GGA2: variants seen among roughly 807,000 people sequenced by gnomAD.
GGA2 encodes golgi associated, gamma adaptin ear containing, ARF binding protein 2.
In GGA2, 48 loss-of-function variants were observed where a neutral mutation model predicts 79.5. The observed-to-expected ratio is 0.60, with a 90% CI of 0.48 to 0.77. The LOEUF (loss-of-function observed/expected upper bound fraction) is 0.77, where lower values mean the gene tolerates loss of function less well. Among genes scored for constraint, GGA2 ranks in the 30% least tolerant of loss-of-function variants. The pLI, the probability that GGA2 is intolerant of heterozygous loss-of-function variation, is 0.00. For synonymous variants in GGA2, 317 were observed against 302.0 expected, an observed-to-expected ratio of 1.05 and a Z score of -0.51; for missense variants, 770 against 774.0, an observed-to-expected ratio of 0.99 and a Z score of 0.06.
At chr16:23,507,656 C>T (rs888157034) in intron 1 of GGA2, among the ~76,000 whole-genome samples, 3 of 150,748 alleles carry the variant, frequency 2.0e-5, no homozygotes, top group Admixed American at 1.3e-4. Flanking sequence ...ACAAATTAGC[C>T]GGTTGTGGTG....
intron 1 of GGA2, among the ~76,000 whole-genome samples, chr16:23,508,649 G>A (rs887148718): frequency 2.0e-5 from 3 of 151,998 alleles, no homozygotes; most frequent in Non-Finnish European, 2.9e-5. Context: ...CAATGCTGGG[G>A]CTCCCCACGC....
upstream of GGA2, among the ~76,000 whole-genome samples, chr16:23,510,906 CGTGTGT>C (rs150030103): frequency 0.019 from 950 of 49,074 alleles, 19 homozygotes; most frequent in African/African-American, 0.043. Context: ...TGGGTTTCAC[CGTGTGT>C]GTGTGTGTGT....
Position 23,473,960 on chromosome 16 carries a change from C to A in GGA2, c.1450+944G>T, listed in dbSNP as rs146193095. Among the ~76,000 whole-genome samples, 28 of 152,320 alleles carry A rather than the reference C, an allele frequency of 1.8e-4. No individual in the cohort carries two copies. In the East Asian group the frequency reaches 3.7e-3, roughly 20 times the overall value. On this transcript the variant is annotated intron_variant, in intron 14 of 16. Coordinates refer to ENST00000309859, the MANE Select transcript of GGA2 (RefSeq NM_015044.4). ...CAGGGCTCTCTGCAATCTAACCTCA[C>A]CACAAAGAGCCATAGGAGGGCTCTG...
rs1596980373 is a variant in GGA2, at chr16:23,479,095, T to G, written c.1130-184A>C. ...AATATGCAAGGGGGACCCTCTGAAC[T>G]GCCCAGAACACCTGATTCCCTTGGC... On this transcript the variant is annotated intron_variant, in intron 11 of 16. Coordinates refer to ENST00000309859, the MANE Select transcript of GGA2 (RefSeq NM_015044.4). The G allele has an allele frequency of 1.9e-5, 12 of 615,470 alleles. No homozygotes were observed. The East Asian group carries it at 3.1e-4, about 16-fold the overall frequency. The allele number at this position is 615,470 out of a possible 1,614,324, so 38.1% of individuals were successfully genotyped here. A position where few individuals can be genotyped will look rare whatever the true frequency, so the allele number is the denominator to read the frequency against.
chr16:23,470,091 G>C lies in GGA2; in HGVS notation c.1525C>G (p.Pro509Ala). ...AGCACCTGTACCTCTGGGTGCCCAG[G>C]GGCTCCCGTCTGGGAGAAGTGGAGC... ...ILLHFSQTGAPGHPEVQVLLL... is the reference protein window; with the variant it reads ...ILLHFSQTGAAGHPEVQVLLL... The change falls in exon 15 of 17, where the codon CCT (proline) becomes GCT (alanine). Residue 509 changes from proline to alanine, a missense_variant. Transcript: ENST00000309859. The C allele has an allele frequency of 6.2e-7, 1 of 1,610,216 alleles. No individual in the cohort carries two copies. Among genetic ancestry groups the C allele is most frequent in the Non-Finnish European group, 8.5e-7 (1 of 1,178,234 alleles).
Position 23,480,693 on chromosome 16 carries a change from A to T in GGA2, c.958T>A (p.Phe320Ile). The T allele has an allele frequency of 6.2e-7, 1 of 1,613,228 alleles. No individual in the cohort carries two copies. Among genetic ancestry groups the T allele is most frequent in the African/African-American group, 1.3e-5 (1 of 75,046 alleles). Residue 320 changes from phenylalanine to isoleucine, a missense_variant, in exon 10 of 17, where the codon TTT (phenylalanine) becomes ATT (isoleucine). Phe to Ile is a conservative substitution (Grantham distance 21). Coordinates refer to ENST00000309859, the MANE Select transcript of GGA2 (RefSeq NM_015044.4). ...AATGAGCTGGTCACTCTGTTTCCAA[A>T]GGTGACCCGGCCCTCCATCACCTGT... The part of the protein sequence containing the change: ...YKQVMEGRVT[F>I]GNRVTSSLGD...
intron 1 of GGA2, among the ~76,000 whole-genome samples, chr16:23,508,632 G>T (rs1377697104): frequency 1.3e-5 from 2 of 152,016 alleles, no homozygotes; most frequent in African/African-American, 4.8e-5. Flanking sequence ...CTTCCCATCT[G>T]CCTCTTCAAT....
intron 1 of GGA2, among the ~76,000 whole-genome samples, chr16:23,499,820 G>A (rs55829210): frequency 6.6e-6 from 1 of 152,206 alleles, no homozygotes. Flanking sequence ...TCCTCACAGT[G>A]TAGAAACCTG....
At chr16:23,484,073 C>G (rs36122804) in intron 8 of GGA2, among the ~76,000 whole-genome samples, 121,488 of 149,516 alleles carry the variant, frequency 0.81, 49,482 homozygotes, top group Middle Eastern at 0.89. Context: ...TGGATCACCT[C>G]AGGCCAGGGT....
chr16:23,513,863 A>G (rs947686184), upstream of GGA2, among the ~76,000 whole-genome samples: 2 of 151,990 alleles, frequency 1.3e-5, no homozygotes, highest in Non-Finnish European at 2.9e-5. Flanking sequence ...ACTTTGTCTG[A>G]TAACAGGTGG....
chr16:23,509,309 C>A (rs1965009276), intron 1 of GGA2, among the ~76,000 whole-genome samples: 1 of 152,180 alleles, frequency 6.6e-6, no homozygotes, highest in Admixed American at 6.5e-5. Flanking sequence ...TACTTGTTCC[C>A]GGAGTGCTCC....
chr16:23,482,966 C>T lies in GGA2; in HGVS notation c.837G>A (p.Leu279=). 2 of 1,612,888 alleles carry T rather than the reference C, an allele frequency of 1.2e-6. No individual in the cohort carries two copies. Among genetic ancestry groups the T allele is most frequent in the Non-Finnish European group, 8.5e-7 (1 of 1,178,824 alleles). ...CAGTGGTGTCACTCGCCAACCGGAA[C>T]AGCGTGGGCCGCAGCTTTTCACACC... ...YERCEKLRPT[L]FRLASDTTDD... is the part of the protein sequence containing the mutation. Residue 279 remains leucine (L), a synonymous_variant, in exon 9 of 17, where the codon CTG becomes CTA. Coordinates refer to ENST00000309859, the MANE Select transcript of GGA2 (RefSeq NM_015044.4).
At position 23,517,524 on chromosome 16, in the gene GGA2, C is replaced by T. The variant is rs1435493994; in HGVS notation, c.61+2063G>A. The stretch of plus-strand genomic sequence containing the variant: ...GATTACAGGCGTGAGCCACCGCGCC[C>T]GGCCCCAGCTAATTTTTTTCTATTG... On this transcript the variant is annotated intron_variant, in intron 2 of 5. Coordinates refer to the GGA2 transcript ENST00000569300. Among the ~76,000 whole-genome samples the T allele has an allele frequency of 4.0e-5, 6 of 148,912 alleles. 3 individuals are homozygous for T. Among genetic ancestry groups the T allele is most frequent in the Non-Finnish European group, 8.9e-5 (6 of 67,308 alleles).
At chr16:23,523,038 G>A (rs1051180260), upstream of GGA2, 2 of 152,242 alleles carry the variant, frequency 1.3e-5, no homozygotes, top group East Asian at 1.9e-4. Flanking sequence ...AAGCCACGAT[G>A]TATTTTATGA....
intron 6 of GGA2, 88 bp downstream of exon 6, chr16:23,488,518 C>G: frequency 3.6e-6 from 3 of 823,982 alleles, no homozygotes; most frequent in East Asian, 2.4e-5. Flanking sequence ...ACCTGCCCCC[C>G]TCCATACTCC....
chr16:23,468,230 T>C (rs1964466492), intron 16 of GGA2, among the ~76,000 whole-genome samples: 1 of 152,148 alleles, frequency 6.6e-6, no homozygotes, highest in Non-Finnish European at 1.5e-5. Flanking sequence ...CAGGCTGGAG[T>C]GCAGTGGTGC....
At chr16:23,504,081 CAA>C (rs1302041009) in intron 1 of GGA2, among the ~76,000 whole-genome samples, 12 of 109,336 alleles carry the variant, frequency 1.1e-4, no homozygotes, top group Admixed American at 9.8e-5. Context: ...AACTCCGTCT[CAA>C]AAAAAAAAAA....
intron 2 of GGA2, among the ~76,000 whole-genome samples, chr16:23,518,015 C>T (rs549645426): frequency 7.9e-5 from 12 of 151,974 alleles, no homozygotes; most frequent in Non-Finnish European, 1.2e-4. Flanking sequence ...CGGATTCAAG[C>T]GATTCTCCTG....
upstream of GGA2, among the ~76,000 whole-genome samples, chr16:23,511,515 T>TC (rs57694752): frequency 2.0e-5 from 3 of 150,648 alleles, no homozygotes; most frequent in Admixed American, 6.6e-5. Context: ...TTTTTTTTTT[T>TC]CAGATGGAGT....
Sources: allele counts gnomAD v4.1 joint callset (sites outside exome capture counted in the v4.1 genomes callset), GRCh38; gene constraint gnomAD v4.1.1; transcripts MANE v1.5; gene names NCBI Gene and HGNC (gene_info 2026-07-23, HGNC 2026-07-21).